The following GRIN2A variants were observed in gnomAD, a reference collection of about 807,000 sequenced individuals.
GRIN2A encodes glutamate receptor ionotropic, NMDA 2A.
Under a neutral mutation model 113.4 loss-of-function variants are expected in GRIN2A, and 22 were observed. That is an observed-to-expected ratio of 0.19 (90% CI 0.14 to 0.28). GRIN2A has a LOEUF of 0.28. GRIN2A is among the 10% of genes least tolerant of loss of function. The probability of loss-of-function intolerance (pLI) is 1.00; values close to 1 mark genes in which losing one functional copy is unlikely to be tolerated. For missense variants in GRIN2A, 1,502 were observed against 1,887.0 expected (o/e 0.80, Z 3.78); for synonymous variants, 827 against 738.4 (o/e 1.12, Z -1.94).
chr16:9,947,580 T>C (rs538676647), intron 2 of GRIN2A, among the ~76,000 whole-genome samples: 1 of 152,278 alleles, frequency 6.6e-6, no homozygotes, highest in South Asian at 2.1e-4. Context: ...AATATCCCAG[T>C]GTTCTCAAAG....
At chr16:9,859,429 C>T (rs2043023240) in intron 4 of GRIN2A, among the ~76,000 whole-genome samples, 1 of 152,016 alleles carries the variant, frequency 6.6e-6, no homozygotes, top group Non-Finnish European at 1.5e-5. Context: ...CATCAGTACA[C>T]CTACACATAT....
chr16:10,095,677 A>G (rs2048274844), intron 2 of GRIN2A, among the ~76,000 whole-genome samples: 1 of 150,880 alleles, frequency 6.6e-6, no homozygotes, highest in Non-Finnish European at 1.5e-5. Flanking sequence ...AGGAAGCATC[A>G]GAACCCAGCA....
At chr16:10,173,103 C>T (rs544746171) in intron 2 of GRIN2A, among the ~76,000 whole-genome samples, 21 of 152,284 alleles carry the variant, frequency 1.4e-4, no homozygotes, top group African/African-American at 3.6e-4. Flanking sequence ...ACCGGGAGGA[C>T]GCCTGTTGGT....
chr16:10,018,604 G>T (rs1055368863), intron 2 of GRIN2A, among the ~76,000 whole-genome samples: 1 of 152,124 alleles, frequency 6.6e-6, no homozygotes, highest in Non-Finnish European at 1.5e-5. Flanking sequence ...GTGAACCTCT[G>T]GTCCACCTAT....
intron 2 of GRIN2A, among the ~76,000 whole-genome samples, chr16:10,045,953 C>A (rs762258851): frequency 9.2e-5 from 14 of 152,172 alleles, no homozygotes; most frequent in Non-Finnish European, 1.3e-4. Context: ...TTACAGCATC[C>A]CTGGTCCCTA....
At chr16:10,134,418 A>T (rs2049146145) in intron 2 of GRIN2A, among the ~76,000 whole-genome samples, 1 of 145,048 alleles carries the variant, frequency 6.9e-6, no homozygotes, top group South Asian at 2.4e-4. Flanking sequence ...ATAGGTGATA[A>T]TTGAACAATG....
Position 10,095,592 on chromosome 16 carries a change from T to C in GRIN2A, c.414+84406A>G, listed in dbSNP as rs564233569. On this transcript the variant is annotated intron_variant, in intron 2 of 12. Transcript: ENST00000330684. ...GATAAGGAATAGGATATTTATATAG[T>C]CTCAATGTATCTGCCTAATAATATA... Among the ~76,000 whole-genome samples the C allele has an allele frequency of 2.6e-5, 4 of 152,322 alleles. No homozygotes were observed. In the East Asian group the frequency reaches 5.8e-4, roughly 22 times the overall value.
chr16:9,770,474 A>G (rs960566400), intron 11 of GRIN2A, among the ~76,000 whole-genome samples: 5 of 152,200 alleles, frequency 3.3e-5, no homozygotes, highest in African/African-American at 9.6e-5. Flanking sequence ...AAAGTTGACA[A>G]TTATTTTTCC....
intron 2 of GRIN2A, among the ~76,000 whole-genome samples, chr16:10,131,107 G>A (rs2049052383): frequency 6.6e-6 from 1 of 152,224 alleles, no homozygotes; most frequent in Admixed American, 6.5e-5. Context: ...CTGGCATGAT[G>A]GAAAATAGCG....
intron 2 of GRIN2A, chr16:10,112,189 T>G (rs528720868): frequency 6.8e-6 from 4 of 585,536 alleles, no homozygotes; most frequent in Admixed American, 4.7e-5. Flanking sequence ...ATCAACGTCA[T>G]AGTCTTGGAC....
chr16:10,062,119 G>T (rs375639243), intron 2 of GRIN2A, among the ~76,000 whole-genome samples: 1 of 152,270 alleles, frequency 6.6e-6, no homozygotes, highest in African/African-American at 2.4e-5. Flanking sequence ...CCCAGGTCCG[G>T]TACTTGCTGA....
intron 3 of GRIN2A, among the ~76,000 whole-genome samples, chr16:9,891,684 G>A (rs759750326): frequency 2.0e-5 from 3 of 152,098 alleles, no homozygotes; most frequent in African/African-American, 4.8e-5. Context: ...GTGAAATAGG[G>A]GTGAGGCAAG....
intron 2 of GRIN2A, among the ~76,000 whole-genome samples, chr16:10,114,639 G>A (rs1469828112): frequency 6.6e-6 from 1 of 152,192 alleles, no homozygotes; most frequent in Non-Finnish European, 1.5e-5. Context: ...CAAAATAAGA[G>A]TGACTTCTTC....
intron 2 of GRIN2A, among the ~76,000 whole-genome samples, chr16:10,038,541 C>T (rs1279501624): frequency 6.6e-6 from 1 of 151,934 alleles, no homozygotes; most frequent in Non-Finnish European, 1.5e-5. Context: ...GTTTGGACAA[C>T]AGAAAAACCT....
At chr16:10,049,720 T>G (rs997925988) in intron 2 of GRIN2A, among the ~76,000 whole-genome samples, 1 of 152,144 alleles carries the variant, frequency 6.6e-6, no homozygotes, top group Admixed American at 6.5e-5. Context: ...CCCTCCTGAT[T>G]TTTTTCCATT....
intron 4 of GRIN2A, among the ~76,000 whole-genome samples, chr16:9,851,256 A>G (rs1018692901): frequency 3.3e-5 from 5 of 152,340 alleles, no homozygotes; most frequent in African/African-American, 1.2e-4. Flanking sequence ...GTGGCTAATT[A>G]CAAAATTGTC....
chr16:10,029,530 A>G (rs1490043490), intron 2 of GRIN2A, among the ~76,000 whole-genome samples: 1 of 152,226 alleles, frequency 6.6e-6, no homozygotes, highest in Admixed American at 6.5e-5. Flanking sequence ...AAAAAAGAAC[A>G]AGAATGCTGT....
intron 10 of GRIN2A, 67 bp downstream of exon 10, chr16:9,822,197 C>T (rs1382688306): frequency 1.1e-5 from 17 of 1,508,994 alleles, no homozygotes; most frequent in Middle Eastern, 1.7e-4. Flanking sequence ...TGAGGCATGC[C>T]GAGAGTCAAT....
intron 4 of GRIN2A, among the ~76,000 whole-genome samples, chr16:9,885,289 G>A (rs2043566322): frequency 6.6e-6 from 1 of 152,138 alleles, no homozygotes; most frequent in Non-Finnish European, 1.5e-5. Context: ...ATTTGAGGCT[G>A]TAGGGTCTTC....
Sources: allele counts gnomAD v4.1 joint callset (sites outside exome capture counted in the v4.1 genomes callset), GRCh38; gene constraint gnomAD v4.1.1; transcripts MANE v1.5; gene names NCBI Gene and HGNC (gene_info 2026-07-23, HGNC 2026-07-21).